Variants in ABHD3 observed in about 807,000 individuals in gnomAD.
The protein encoded by ABHD3 is abhydrolase domain containing 3, phospholipase.
Under a neutral mutation model 48.8 loss-of-function variants are expected in ABHD3, and 46 were observed. That is an observed-to-expected ratio of 0.94 (90% CI 0.74 to 1.20). ABHD3 has a LOEUF of 1.20. Among genes scored for constraint, ABHD3 ranks in the 50% most tolerant of loss-of-function variants. The probability of loss-of-function intolerance (pLI) is 0.00; values close to 1 mark genes in which losing one functional copy is unlikely to be tolerated. For missense variants in ABHD3, 490 were observed against 497.8 expected, an observed-to-expected ratio of 0.98 and a Z score of 0.15; for synonymous variants, 192 against 183.7, an observed-to-expected ratio of 1.04 and a Z score of -0.36.
intron 4 of ABHD3, among the ~76,000 whole-genome samples, chr18:21,673,325 C>A (rs1207222218): frequency 2.0e-5 from 3 of 152,178 alleles, no homozygotes; most frequent in Non-Finnish European, 4.4e-5. Context: ...TGGAGTTTCG[C>A]TCTTGTTGCC....
chr18:21,690,918 C>G (rs1368203928), intron 3 of ABHD3, among the ~76,000 whole-genome samples: 1 of 148,550 alleles, frequency 6.7e-6, no homozygotes, highest in Non-Finnish European at 1.5e-5. Flanking sequence ...CTGCTGGAAC[C>G]TGGGAGAAGG....
intron 4 of ABHD3, chr18:21,664,682 T>C (rs906459441): frequency 5.7e-5 from 9 of 156,632 alleles, no homozygotes; most frequent in Non-Finnish European, 8.4e-5. Flanking sequence ...TCAGGCTAGA[T>C]TGCAGTGGCA....
chr18:21,661,610 G>A (rs2039500174), intron 5 of ABHD3, among the ~76,000 whole-genome samples: 1 of 151,838 alleles, frequency 6.6e-6, no homozygotes, highest in South Asian at 2.1e-4. Flanking sequence ...CAGTCCAGGT[G>A]ACAATGGGAG....
chr18:21,698,235 G>C (rs1252789788), intron 3 of ABHD3, among the ~76,000 whole-genome samples: 3 of 151,808 alleles, frequency 2.0e-5, no homozygotes, highest in African/African-American at 7.3e-5. Context: ...GCCCAGCCTG[G>C]AGTGCAATGG....
At chr18:21,696,714 T>C (rs2040378115) in intron 3 of ABHD3, among the ~76,000 whole-genome samples, 1 of 151,970 alleles carries the variant, frequency 6.6e-6, no homozygotes, top group South Asian at 2.1e-4. Flanking sequence ...ATTATTATTA[T>C]TCATTGTTAT....
chr18:21,693,620 TG>T (rs2040302644), intron 3 of ABHD3, among the ~76,000 whole-genome samples: 1 of 152,180 alleles, frequency 6.6e-6, no homozygotes, highest in Non-Finnish European at 1.5e-5. Context: ...CCCTAGAGAA[TG>T]GGACCACTTG....
chr18:21,686,018 G>A (rs1347679480), intron 3 of ABHD3, among the ~76,000 whole-genome samples: 1 of 152,132 alleles, frequency 6.6e-6, no homozygotes, highest in Non-Finnish European at 1.5e-5. Context: ...ATTTTTATAA[G>A]TTATTTGTAA....
chr18:21,700,041 T>A (rs903740227), intron 3 of ABHD3, among the ~76,000 whole-genome samples: 2 of 152,158 alleles, frequency 1.3e-5, no homozygotes, highest in African/African-American at 4.8e-5. Flanking sequence ...CCAGAGCTTA[T>A]AAGACTCAGT....
In ABHD3 at chr18:21,683,939, ACTC is replaced by A; in HGVS notation, c.533_535del (p.Gly178del). 6.2e-7 allele frequency: 1 copy of A among 1,600,058 alleles called. No individual in the cohort carries two copies. Among genetic ancestry groups the A allele is most frequent in the Non-Finnish European group, 8.5e-7 (1 of 1,172,602 alleles). ...ACTTACCAAGAGATTCTCCCCCGCC[ACTC>A]CTCTGTTGTTAAAAACCACACATCT... On this transcript the variant is annotated inframe_deletion, in exon 4 of 9. Transcript: ENST00000289119.
In ABHD3 at chr18:21,702,221, A is replaced by C. The variant is rs555452004; in HGVS notation, c.509+95T>G. 4.5e-6 allele frequency: 5 copies of C among 1,116,918 alleles called. No individual in the cohort carries two copies. The East Asian group carries it at 1.3e-4, about 29-fold the overall frequency. The allele number at this position is 1,116,918 out of a possible 1,614,324, so 69.2% of individuals were successfully genotyped here. A position where few individuals can be genotyped will look rare whatever the true frequency, so the allele number is the denominator to read the frequency against. ...AATTTAAGGGACTGCTTTTCTATGC[A>C]AGAAGTACTAAGTATTTCTGAAACA... On this transcript the variant is annotated intron_variant, in intron 3 of 8. Coordinates refer to ENST00000289119, the MANE Select transcript of ABHD3 (RefSeq NM_138340.5).
intron 4 of ABHD3, among the ~76,000 whole-genome samples, chr18:21,669,256 T>C (rs918770661): frequency 2.6e-5 from 4 of 152,080 alleles, no homozygotes; most frequent in East Asian, 3.9e-4. Context: ...CAATACATAA[T>C]GATCCAATGG....
chr18:21,683,463 T>C, intron 4 of ABHD3: 1 of 455,530 alleles, frequency 2.2e-6, no homozygotes. Flanking sequence ...AAAATCACTG[T>C]ATTAGTTAAT....
rs750341710 is a variant in ABHD3, at chr18:21,703,764, T to G, written c.163-17A>C. Reference sequence around the variant, plus strand: ...CTGGGGTTTCTGAAGGGAAAAGCAGTATCAGAGAAGGGCCCAGAGCAAAGT... The same window carrying G: ...CTGGGGTTTCTGAAGGGAAAAGCAGGATCAGAGAAGGGCCCAGAGCAAAGT... On this transcript the variant is annotated splice_polypyrimidine_tract_variant and intron_variant, in intron 1 of 8. Transcript: ENST00000289119. The G allele has an allele frequency of 1.6e-5, 26 of 1,610,232 alleles. No individual in the cohort carries two copies. The highest frequency in any genetic ancestry group is 2.7e-5 in the African/African-American group (2 of 74,918).
At chr18:21,683,196 G>A (rs752528655) in intron 4 of ABHD3, among the ~76,000 whole-genome samples, 13 of 152,090 alleles carry the variant, frequency 8.5e-5, no homozygotes, top group South Asian at 4.1e-4. Flanking sequence ...ATTGTAAAAA[G>A]TTAAAAAGCT....
rs972433273 is a variant in ABHD3, at chr18:21,704,548, A to C, written c.118T>G (p.Phe40Val). 3.3e-6 allele frequency: 5 copies of C among 1,521,654 alleles called. No homozygotes were observed. Among genetic ancestry groups the C allele is most frequent in the East Asian group, 2.7e-5 (1 of 36,520 alleles). 94.3% of individuals were successfully genotyped at this position (1,521,654 alleles called of 1,614,324 possible). A position where few individuals can be genotyped will look rare whatever the true frequency, so the allele number is the denominator to read the frequency against. ...TAGTAGAAGGCATAAGCGACGCTGA[A>C]GCCCAGGATAAGGGATAAGCCCACC... ...SGVGLSLILG[F>V]SVAYAFYYLS... The change falls in exon 1 of 9, where the codon TTC becomes GTC. Residue 40 changes from phenylalanine (F) to valine (V), a missense_variant. Phe to Val is a conservative substitution (Grantham distance 50, BLOSUM62 -1). Transcript: ENST00000289119.
At chr18:21,679,516 TTTTTAA>T (rs1192014157) in intron 4 of ABHD3, among the ~76,000 whole-genome samples, 2 of 152,246 alleles carry the variant, frequency 1.3e-5, no homozygotes, top group Non-Finnish European at 2.9e-5. Context: ...TAAAAAACTT[TTTTTAA>T]TTTTAATTTT....
chr18:21,660,643 A>T (rs2039470933), intron 5 of ABHD3, among the ~76,000 whole-genome samples: 1 of 151,962 alleles, frequency 6.6e-6, no homozygotes, highest in South Asian at 2.1e-4. Flanking sequence ...GAAATAGGAG[A>T]AATGGCTTAA....
At chr18:21,679,759 T>A (rs1261338002) in intron 4 of ABHD3, among the ~76,000 whole-genome samples, 1 of 152,168 alleles carries the variant, frequency 6.6e-6, no homozygotes, top group Non-Finnish European at 1.5e-5. Flanking sequence ...ACTCCTGACC[T>A]CATGATCCAC....
intron 4 of ABHD3, among the ~76,000 whole-genome samples, chr18:21,672,825 C>T (rs2039785779): frequency 6.6e-6 from 1 of 151,870 alleles, no homozygotes; most frequent in Non-Finnish European, 1.5e-5. Context: ...TTTAATGAAC[C>T]ATCATTTCAC....
Sources: gnomAD v4.1 joint callset for allele counts (sites outside exome capture counted in the v4.1 genomes callset) on GRCh38, gnomAD v4.1.1 for gene constraint, MANE v1.5 for transcripts, NCBI Gene and HGNC (gene_info 2026-07-23, HGNC 2026-07-21) for gene names.